MDN1: variants seen among roughly 807,000 people sequenced by gnomAD.
The protein encoded by MDN1 is midasin AAA ATPase 1.
MDN1 carries 266 observed loss-of-function variants against 669.2 expected under a neutral mutation model. That is an observed-to-expected ratio of 0.40 (90% confidence interval 0.36 to 0.44). MDN1 has a LOEUF of 0.44. Ranked by LOEUF, MDN1 falls within the 20% of genes least tolerant of loss-of-function variation. MDN1 has a pLI of 1.00. For synonymous variants in MDN1, 2,385 were observed against 2,457.1 expected, an observed-to-expected ratio of 0.97 and a Z score of 0.87; for missense variants, 5,940 against 6,754.0, an observed-to-expected ratio of 0.88 and a Z score of 4.22.
rs1467978636 is a variant in MDN1 at position 89,745,579 on chromosome 6, C to A, written c.3952G>T (p.Val1318Leu). The A allele has an allele frequency of 5.6e-6, 9 of 1,614,022 alleles. No individual in the cohort carries two copies. Among genetic ancestry groups the A allele is most frequent in the South Asian group, 1.1e-5 (1 of 91,074 alleles). Reference sequence around the variant, plus strand: ...TGTTTCTCAAGGACTTCTTGAATCACATCAATTTCCTCCTGCTTCCTGACT... The same window carrying A: ...TGTTTCTCAAGGACTTCTTGAATCAAATCAATTTCCTCCTGCTTCCTGACT... Reference protein sequence around the residue: ...GRVRKQEEIDVIQEVLEKHFK... With the variant: ...GRVRKQEEIDLIQEVLEKHFK... Residue 1318 changes from valine (V) to leucine (L), a missense_variant, in exon 28 of 102, where the codon GTG becomes TTG. Physicochemically the swap from Val to Leu is conservative, Grantham distance 32. Around this residue, in one of 5 missense-constraint regions of MDN1, gnomAD observed 2,292 missense variants for 2,638.3 expected, o/e 0.87. Coordinates refer to ENST00000369393, the MANE Select transcript of MDN1 (RefSeq NM_014611.3).
intron 95 of MDN1, among the ~76,000 whole-genome samples, chr6:89,651,476 CG>C (rs1408909602): frequency 2.0e-5 from 3 of 151,904 alleles, no homozygotes; most frequent in African/African-American, 7.3e-5. Flanking sequence ...ATTAGTCGGG[CG>C]TGGTGGCAAG....
chr6:89,789,784 T>A lies in MDN1; in HGVS notation c.1226A>T (p.Asp409Val). ...GAATTTCCTGAGATGACATACCACG[T>A]CTAAGGGGGCATAGTCAATATCCTC... ...LLEDIDYAPL[D>V]VVSVLIPLLE... is the part of the protein sequence containing the mutation. The change falls in exon 7 of 102, where the codon GAC (aspartate) becomes GTC (valine). Residue 409 changes from aspartate to valine, a missense_variant. Transcript: ENST00000369393. 6.2e-7 allele frequency: 1 copy of A among 1,607,332 alleles called. No individual in the cohort carries two copies. The highest frequency in any genetic ancestry group is 1.7e-4 in the Middle Eastern group (1 of 6,028).
At chr6:89,794,066 C>G in intron 4 of MDN1, 34 bp downstream of exon 4, 1 of 1,453,114 alleles carries the variant, frequency 6.9e-7, no homozygotes, top group Non-Finnish European at 9.4e-7. Flanking sequence ...AAAAGAAATG[C>G]TATAGCAAGA....
At chr6:89,649,329 A>G (rs978290083) in intron 97 of MDN1, among the ~76,000 whole-genome samples, 3 of 152,250 alleles carry the variant, frequency 2.0e-5, no homozygotes. Context: ...GGTGAAACTG[A>G]TAACTAAGAA....
Position 89,781,450 on chromosome 6 carries a change from G to T in MDN1, c.1592C>A (p.Ala531Asp), listed in dbSNP as rs779714219. ...CEQAPEEVSE[A>D]RRENKRPTLE... ...GGTTGGTCTTTTGTTTTCTCTTCTG[G>T]CTTCTGAAACTTCTTCAGGTGCCTG... Residue 531 changes from alanine to aspartate, a missense_variant, in exon 10 of 102, where the codon GCC (alanine) becomes GAC (aspartate). This residue lies in a region of MDN1 where 1,203 missense variants were observed against 1,268.9 expected (regional missense o/e 0.95). Coordinates refer to ENST00000369393, the MANE Select transcript of MDN1 (RefSeq NM_014611.3). 4 of 1,613,962 alleles carry T rather than the reference G, an allele frequency of 2.5e-6. No individual in the cohort carries two copies. Among genetic ancestry groups the T allele is most frequent in the Non-Finnish European group, 3.4e-6 (4 of 1,180,004 alleles).
Position 89,756,380 on chromosome 6 carries a change from G to A in MDN1, c.2713C>T (p.Leu905Phe), listed in dbSNP as rs764848502. The change falls in exon 20 of 102, where the codon CTT (leucine) becomes TTT (phenylalanine). Residue 905 changes from leucine (L) to phenylalanine (F), a missense_variant. By Grantham distance (22) the Leu-to-Phe change is conservative (BLOSUM62 0). Around this residue, in one of 5 missense-constraint regions of MDN1, gnomAD observed 1,203 missense variants for 1,268.9 expected, o/e 0.95. Coordinates refer to ENST00000369393, the MANE Select transcript of MDN1 (RefSeq NM_014611.3). The part of the protein sequence containing the change: ...PPGIRNRFTE[L>F]YVEELESKED... The stretch of plus-strand genomic sequence containing the variant: ...TTGCTTTCTAATTCTTCTACATAAA[G>A]TTCTGTGAACCTGTAAAACAATACA... 6.5e-7 allele frequency: 1 copy of A among 1,539,568 alleles called. No individual in the cohort carries two copies. The highest frequency in any genetic ancestry group is 2.3e-5 in the East Asian group (1 of 44,060).
At position 89,772,629 on chromosome 6, in the gene MDN1, A is replaced by G. The variant is rs1489835277; in HGVS notation, c.2027T>C (p.Val676Ala). 4 of 1,614,176 alleles carry G rather than the reference A, an allele frequency of 2.5e-6. No individual in the cohort carries two copies. The highest frequency in any genetic ancestry group is 2.5e-6 in the Non-Finnish European group (3 of 1,180,018). ...CVSKGEPVLL[V>A]GETGTGKTST... ...GGTTTTGCCAGTCCCGGTCTCTCCC[A>G]CCAGCAACACAGGCTCCCCTTTGCT... The change falls in exon 14 of 102, where the codon GTG becomes GCG. Residue 676 changes from valine to alanine, a missense_variant. By Grantham distance (64) the Val-to-Ala change is moderately conservative (BLOSUM62 0). Around this residue, in one of 5 missense-constraint regions of MDN1, gnomAD observed 1,203 missense variants for 1,268.9 expected, o/e 0.95. Transcript: ENST00000369393.
In MDN1 at chr6:89,737,176, T is replaced by A. The variant is rs997415358; in HGVS notation, c.4723+1150A>T. On this transcript the variant is annotated intron_variant, in intron 33 of 101. Coordinates refer to ENST00000369393, the MANE Select transcript of MDN1 (RefSeq NM_014611.3). ...ATTCAAGCAGCAGTGTGCGTACCTA[T>A]AAATGTGGCAGTTCACCGTGGGCCA... Among the ~76,000 whole-genome samples the A allele has an allele frequency of 3.9e-5, 6 of 152,248 alleles. No homozygotes were observed. In the South Asian group the frequency reaches 1.2e-3, roughly 32 times the overall value.
Position 89,749,725 on chromosome 6 carries a change from C to T in MDN1, c.3433G>A (p.Gly1145Ser), listed in dbSNP as rs1562177699. The change falls in exon 25 of 102, where the codon GGC becomes AGC. Residue 1145 changes from glycine (G) to serine (S), a missense_variant. Transcript: ENST00000369393. The part of the protein sequence containing the change: ...EGVLIDAMRK[G>S]YWIILDELNL... ...AATTCATCTAAAATAATCCAATAGCCTTTTCTCATGGCATCAATAAGAACA... is the reference window on the plus strand; with the variant it reads ...AATTCATCTAAAATAATCCAATAGCTTTTTCTCATGGCATCAATAAGAACA... 1.1e-5 allele frequency: 17 copies of T among 1,612,936 alleles called. No individual in the cohort carries two copies. Among genetic ancestry groups the T allele is most frequent in the Non-Finnish European group, 1.4e-5 (17 of 1,179,052 alleles).
chr6:89,725,630 G>C (rs540043223), intron 37 of MDN1, among the ~76,000 whole-genome samples: 6 of 152,140 alleles, frequency 3.9e-5, no homozygotes, highest in South Asian at 2.1e-4. Context: ...CAGTGCAGTG[G>C]CACAATCACA....
intron 76 of MDN1, 104 bp from the exon 77 acceptor site, chr6:89,676,311 C>A: frequency 1.1e-6 from 1 of 919,904 alleles, no homozygotes; most frequent in Non-Finnish European, 1.7e-6. Context: ...CAAGAGTCAG[C>A]TGTCTGAATA....
At chr6:89,738,898 G>A (rs1157023179) in intron 32 of MDN1, among the ~76,000 whole-genome samples, 1 of 152,190 alleles carries the variant, frequency 6.6e-6, no homozygotes, top group Non-Finnish European at 1.5e-5. Context: ...CAATGAGAGT[G>A]TGATTTTAAA....
chr6:89,665,230 G>A (rs1810102732), intron 84 of MDN1, among the ~76,000 whole-genome samples: 1 of 152,050 alleles, frequency 6.6e-6, no homozygotes, highest in Non-Finnish European at 1.5e-5. Flanking sequence ...GCCTTGCAAT[G>A]TTGCCCAGGC....
At position 89,800,994 on chromosome 6, in the gene MDN1, T is replaced by G. The variant is rs1353309727; in HGVS notation, c.329+2334A>C. Among the ~76,000 whole-genome samples, 3 of 152,244 alleles carry G rather than the reference T, an allele frequency of 2.0e-5. No homozygotes were observed. In the East Asian group the frequency reaches 5.8e-4, roughly 29 times the overall value. ...GAAAAAGGAACTGTTTTTTTCTTCT[T>G]TACTAGTCCAGGATACTTCTGTGTA... On this transcript the variant is annotated intron_variant, in intron 2 of 101. Transcript: ENST00000369393.
chr6:89,651,208 C>T (rs1808834076), intron 95 of MDN1, among the ~76,000 whole-genome samples: 1 of 150,812 alleles, frequency 6.6e-6, no homozygotes, highest in Non-Finnish European at 1.5e-5. Flanking sequence ...ACCTGTAATC[C>T]CAGCTACTCA....
intron 45 of MDN1, 74 bp from the exon 46 acceptor site, chr6:89,714,825 T>A: frequency 8.1e-7 from 1 of 1,230,728 alleles, no homozygotes; most frequent in Non-Finnish European, 1.1e-6. Context: ...TCAGCATCAG[T>A]CAGTGAGGGC....
intron 97 of MDN1, among the ~76,000 whole-genome samples, chr6:89,649,778 C>T (rs181474723): frequency 7.2e-5 from 11 of 152,244 alleles, no homozygotes; most frequent in Admixed American, 5.9e-4. Flanking sequence ...TGTAAAAGAC[C>T]TACAACAGTA....
intron 15 of MDN1, among the ~76,000 whole-genome samples, 170 bp from the exon 16 acceptor site, chr6:89,762,700 C>A (rs982279243): frequency 6.6e-6 from 1 of 152,120 alleles, no homozygotes; most frequent in African/African-American, 2.4e-5. Context: ...TATTTTCCCC[C>A]ATCGCAAGCA....
intron 53 of MDN1, among the ~76,000 whole-genome samples, chr6:89,705,832 CAT>C (rs1813477001): frequency 1.3e-5 from 2 of 152,026 alleles, no homozygotes; most frequent in African/African-American, 4.8e-5. Flanking sequence ...CAGGTGTATA[CAT>C]GTCAAGACTT....
Sources: gnomAD v4.1 joint callset for allele counts (sites outside exome capture counted in the v4.1 genomes callset) on GRCh38, gnomAD v4.1.1 for gene constraint, gnomAD v4.1.1 regional missense constraint, MANE v1.5 for transcripts, NCBI Gene and HGNC (gene_info 2026-07-23, HGNC 2026-07-21) for gene names.